NKAIN2: variants seen among roughly 807,000 people sequenced by gnomAD.
NKAIN2 encodes sodium/potassium-transporting ATPase subunit beta-1-interacting protein 2.
A neutral mutation model predicts 32.6 loss-of-function variants in NKAIN2; 14 were observed. The ratio of observed to expected loss-of-function variants is 0.43; its 90% CI spans 0.28 to 0.67. NKAIN2 has a LOEUF of 0.67. NKAIN2 is among the 30% of genes least tolerant of loss of function. The pLI is 0.17. For synonymous variants in NKAIN2, 80 were observed against 87.2 expected, an observed-to-expected ratio of 0.92 and a Z score of 0.46; for missense variants, 198 against 258.3, an observed-to-expected ratio of 0.77 and a Z score of 1.60.
intron 1 of NKAIN2, among the ~76,000 whole-genome samples, chr6:124,229,285 T>C (rs916836972): frequency 6.6e-6 from 1 of 152,176 alleles, no homozygotes; most frequent in Non-Finnish European, 1.5e-5. Context: ...AGGTAGCTAC[T>C]AAGTATTAAG....
chr6:123,812,925 T>G (rs961704359), intron 1 of NKAIN2, among the ~76,000 whole-genome samples: 4 of 152,256 alleles, frequency 2.6e-5, no homozygotes, highest in African/African-American at 9.6e-5. Context: ...ATCTGTATTA[T>G]TCTAATTACA....
At chr6:124,189,719 T>C (rs1789921843) in intron 1 of NKAIN2, among the ~76,000 whole-genome samples, 1 of 152,082 alleles carries the variant, frequency 6.6e-6, no homozygotes, top group South Asian at 2.1e-4. Context: ...AAACACTTGG[T>C]ACAAAAATGT....
chr6:124,410,022 GT>G (rs1310825717), intron 3 of NKAIN2, among the ~76,000 whole-genome samples: 1 of 152,168 alleles, frequency 6.6e-6, no homozygotes, highest in African/African-American at 2.4e-5. Context: ...TTGTATTTCT[GT>G]GGGATCGGTG....
chr6:123,922,663 C>T (rs1477877748), intron 1 of NKAIN2, among the ~76,000 whole-genome samples: 2 of 152,010 alleles, frequency 1.3e-5, no homozygotes, highest in Admixed American at 6.6e-5. Flanking sequence ...GTCGATGGGA[C>T]TCAATTTTCT....
At chr6:124,755,947 T>G (rs1034983540) in intron 4 of NKAIN2, among the ~76,000 whole-genome samples, 1 of 152,166 alleles carries the variant, frequency 6.6e-6, no homozygotes, top group African/African-American at 2.4e-5. Context: ...TTAAATGCAC[T>G]CTGGCTAAAG....
chr6:124,193,678 T>C (rs982581323), intron 1 of NKAIN2, among the ~76,000 whole-genome samples: 6 of 152,134 alleles, frequency 3.9e-5, no homozygotes, highest in Non-Finnish European at 8.8e-5. Context: ...TCCCGAGTTC[T>C]TGTTCTGTGA....
chr6:124,451,947 C>A (rs991821319), intron 3 of NKAIN2, among the ~76,000 whole-genome samples: 4 of 152,054 alleles, frequency 2.6e-5, no homozygotes, highest in African/African-American at 9.7e-5. Context: ...GTAATCCCAG[C>A]ACTTTGGGAG....
chr6:124,116,399 C>T (rs1192312245), intron 1 of NKAIN2, among the ~76,000 whole-genome samples: 2 of 151,952 alleles, frequency 1.3e-5, no homozygotes, highest in Non-Finnish European at 2.9e-5. Context: ...TAGGCTATCG[C>T]GGGAACAGCA....
intron 4 of NKAIN2, among the ~76,000 whole-genome samples, chr6:124,708,805 C>G (rs1775259873): frequency 6.7e-6 from 1 of 149,774 alleles, no homozygotes; most frequent in African/African-American, 2.5e-5. Flanking sequence ...TTGACTTCCT[C>G]TTTTCCTAAT....
chr6:123,991,044 G>A (rs1322836786), intron 1 of NKAIN2, among the ~76,000 whole-genome samples: 1 of 152,120 alleles, frequency 6.6e-6, no homozygotes, highest in African/African-American at 2.4e-5. Context: ...TTGATATCCA[G>A]AATGCTTCTG....
intron 1 of NKAIN2, among the ~76,000 whole-genome samples, chr6:124,011,675 G>C (rs918425485): frequency 5.3e-5 from 8 of 152,042 alleles, no homozygotes; most frequent in African/African-American, 1.7e-4. Flanking sequence ...TATACGTTAT[G>C]GCTATATTTC....
intron 1 of NKAIN2, among the ~76,000 whole-genome samples, chr6:123,900,486 A>ATAC: frequency 6.7e-6 from 1 of 150,164 alleles, no homozygotes; most frequent in East Asian, 2.0e-4. Flanking sequence ...AATAATAATA[A>ATAC]TAAAAGAAAA....
At chr6:124,189,624 T>C (rs547563299) in intron 1 of NKAIN2, among the ~76,000 whole-genome samples, 1 of 152,200 alleles carries the variant, frequency 6.6e-6, no homozygotes, top group East Asian at 1.9e-4. Context: ...GAGCTTGAAG[T>C]GAGCCGAGAT....
At chr6:124,411,572 C>T (rs1164060099) in intron 3 of NKAIN2, among the ~76,000 whole-genome samples, 3 of 152,256 alleles carry the variant, frequency 2.0e-5, no homozygotes, top group African/African-American at 4.8e-5. Flanking sequence ...GATGGGCTTC[C>T]TTTTGTGGGT....
At chr6:124,498,367 G>A (rs1202937837) in intron 3 of NKAIN2, among the ~76,000 whole-genome samples, 1 of 152,138 alleles carries the variant, frequency 6.6e-6, no homozygotes, top group Non-Finnish European at 1.5e-5. Flanking sequence ...GAAAGGACAG[G>A]GTGGATGTAA....
At position 124,095,454 on chromosome 6, in the gene NKAIN2, T is replaced by C. The variant is rs79250844; in HGVS notation, c.55-187551T>C. Among the ~76,000 whole-genome samples the C allele has an allele frequency of 5.1e-3, 778 of 152,286 alleles. 7 individuals are homozygous for C. The highest frequency in any genetic ancestry group is 0.018 in the African/African-American group (739 of 41,580). On this transcript the variant is annotated intron_variant, in intron 1 of 6. Transcript: ENST00000368417. Reference sequence around the variant, plus strand: ...CATGTATTTATTTTTAACTAAATGTTAGTACAATTATTATAAAAACCTATA... The same window carrying C: ...CATGTATTTATTTTTAACTAAATGTCAGTACAATTATTATAAAAACCTATA...
intron 2 of NKAIN2, among the ~76,000 whole-genome samples, chr6:124,311,844 A>C (rs957898269): frequency 2.6e-5 from 4 of 152,162 alleles, no homozygotes; most frequent in Admixed American, 2.6e-4. Flanking sequence ...TATAAAAAAT[A>C]TGTATTTTTT....
intron 5 of NKAIN2, among the ~76,000 whole-genome samples, chr6:124,801,089 G>C (rs971784215): frequency 6.6e-6 from 1 of 152,040 alleles, no homozygotes; most frequent in Non-Finnish European, 1.5e-5. Context: ...CCGTCACCCC[G>C]ACTGTCCTAT....
At chr6:124,667,176 T>C (rs941851156) in intron 4 of NKAIN2, among the ~76,000 whole-genome samples, 2 of 152,146 alleles carry the variant, frequency 1.3e-5, no homozygotes, top group Non-Finnish European at 2.9e-5. Context: ...TATTTTTCTA[T>C]GTGTACTGTT....
Sources: gnomAD v4.1 joint callset for allele counts (sites outside exome capture counted in the v4.1 genomes callset) on GRCh38, gnomAD v4.1.1 for gene constraint, MANE v1.5 for transcripts, NCBI Gene and HGNC (gene_info 2026-07-23, HGNC 2026-07-21) for gene names.